GABRB1: variants seen among roughly 807,000 people sequenced by gnomAD.
GABRB1 encodes gamma-aminobutyric acid receptor subunit beta-1.
In GABRB1, 17 loss-of-function variants were observed where a neutral mutation model predicts 51.6. That is an observed-to-expected ratio of 0.33 (90% CI 0.23 to 0.49). The LOEUF (loss-of-function observed/expected upper bound fraction) is 0.49, where lower values mean the gene tolerates loss of function less well. GABRB1 is among the 20% of genes least tolerant of loss of function. The pLI, the probability that GABRB1 is intolerant of heterozygous loss-of-function variation, is 0.99. For missense variants in GABRB1, 410 were observed against 600.6 expected, an observed-to-expected ratio of 0.68 and a Z score of 3.32; for synonymous variants, 247 against 218.9, an observed-to-expected ratio of 1.13 and a Z score of -1.14.
intron 1 of GABRB1, among the ~76,000 whole-genome samples, chr4:47,022,161 T>C (rs1724945589): frequency 6.6e-6 from 1 of 152,106 alleles, no homozygotes; most frequent in Non-Finnish European, 1.5e-5. Context: ...TACTGGTTTA[T>C]TTGCTTCTCA....
chr4:47,094,208 TTTTTTC>T (rs1311476724), intron 3 of GABRB1, among the ~76,000 whole-genome samples: 1 of 147,450 alleles, frequency 6.8e-6, no homozygotes, highest in African/African-American at 2.5e-5. Flanking sequence ...AAAAAGTTAA[TTTTTTC>T]TTTTTCTTTT....
chr4:47,398,557 TAGAG>T lies in GABRB1; in HGVS notation c.545-4743_545-4740del, dbSNP rs1182836628. 2.8e-3 allele frequency among the ~76,000 whole-genome samples: 425 copies of T among 151,626 alleles called. 1 individual carries two copies. The highest frequency in any genetic ancestry group is 9.6e-3 in the African/African-American group (398 of 41,432). ...TTAAGGAAATATCTTCTCATATATA[TAGAG>T]AGAGAGAGAGAGAGAGACAGAGAGA... On this transcript the variant is annotated intron_variant, in intron 5 of 8. Coordinates refer to ENST00000295454, the MANE Select transcript of GABRB1 (RefSeq NM_000812.4).
At chr4:47,235,108 T>C (rs1721280265) in intron 4 of GABRB1, among the ~76,000 whole-genome samples, 1 of 152,206 alleles carries the variant, frequency 6.6e-6, no homozygotes, top group Non-Finnish European at 1.5e-5. Flanking sequence ...CTAGATCATA[T>C]CCAGCTTTTT....
rs1472769558 is a variant in GABRB1 at position 47,401,376 on chromosome 4, C to T, written c.545-1942C>T. Among the ~76,000 whole-genome samples, 9 of 152,340 alleles carry T rather than the reference C, an allele frequency of 5.9e-5. No individual in the cohort carries two copies. In the South Asian group the frequency reaches 1.7e-3, roughly 28 times the overall value. On this transcript the variant is annotated intron_variant, in intron 5 of 8. Coordinates refer to ENST00000295454, the MANE Select transcript of GABRB1 (RefSeq NM_000812.4). Reference sequence around the variant, plus strand: ...CACTTTTTTAACTTTCCCACATCCCCTTAAAGGACTGAGATGACAGAAGTT... The same window carrying T: ...CACTTTTTTAACTTTCCCACATCCCTTTAAAGGACTGAGATGACAGAAGTT...
At chr4:47,019,057 A>C (rs1015434284) in intron 1 of GABRB1, among the ~76,000 whole-genome samples, 2 of 152,196 alleles carry the variant, frequency 1.3e-5, no homozygotes, top group African/African-American at 4.8e-5. Flanking sequence ...TAATGAGATC[A>C]AATGAAAATA....
chr4:47,260,077 C>A (rs538670486), intron 4 of GABRB1, among the ~76,000 whole-genome samples: 2 of 152,050 alleles, frequency 1.3e-5, no homozygotes, highest in Non-Finnish European at 2.9e-5. Flanking sequence ...TACCATTATG[C>A]AATGGCCTTC....
At chr4:47,354,980 GTTTTTTTTTTTTTT>G (rs71195627) in intron 5 of GABRB1, among the ~76,000 whole-genome samples, 4 of 44,252 alleles carry the variant, frequency 9.0e-5, no homozygotes, top group Admixed American at 7.8e-4. Flanking sequence ...TTCTTCCTTT[GTTTTTTTTTTTTTT>G]TTTTTTTTTT....
intron 4 of GABRB1, among the ~76,000 whole-genome samples, chr4:47,209,652 C>T (rs993381434): frequency 1.3e-5 from 2 of 152,042 alleles, no homozygotes; most frequent in Non-Finnish European, 2.9e-5. Flanking sequence ...CTTCTCACTT[C>T]GACCAGAGTG....
At chr4:47,105,563 C>A (rs1577912659) in intron 3 of GABRB1, among the ~76,000 whole-genome samples, 1 of 152,098 alleles carries the variant, frequency 6.6e-6, no homozygotes, top group African/African-American at 2.4e-5. Flanking sequence ...CCTTGACAAC[C>A]AGTGGAGATG....
intron 1 of GABRB1, among the ~76,000 whole-genome samples, chr4:47,015,231 T>C (rs1724709763): frequency 6.6e-6 from 1 of 151,996 alleles, no homozygotes; most frequent in Non-Finnish European, 1.5e-5. Context: ...TTATGATGGG[T>C]CTATAAATGA....
chr4:47,268,100 T>C (rs1261299535), intron 4 of GABRB1, among the ~76,000 whole-genome samples: 1 of 152,162 alleles, frequency 6.6e-6, no homozygotes, highest in Non-Finnish European at 1.5e-5. Flanking sequence ...TTCAAAATCC[T>C]GAGATAAAAT....
chr4:47,276,767 A>G (rs1371209776), intron 4 of GABRB1, among the ~76,000 whole-genome samples: 2 of 152,144 alleles, frequency 1.3e-5, no homozygotes, highest in South Asian at 2.1e-4. Flanking sequence ...TATTTGTTCT[A>G]TACGACTACC....
chr4:47,426,288 G>A lies in GABRB1; in HGVS notation c.*270G>A, dbSNP rs10028945. 0.23 allele frequency: 64,762 copies of A among 276,588 alleles called. 7,820 individuals carry two copies. Among genetic ancestry groups the A allele is most frequent in the Non-Finnish European group, 0.25 (37,504 of 149,206 alleles). The allele number at this position is 276,588 out of a possible 1,614,324, so 17.1% of individuals were successfully genotyped here. A position where few individuals can be genotyped will look rare whatever the true frequency, so the allele number is the denominator to read the frequency against. On this transcript the variant is annotated 3_prime_UTR_variant, in exon 9 of 9. Transcript: ENST00000295454. ...CCATGTTTACAAACAAACACAAAGA[G>A]AGAAGTTAGACAGGTAGATCTTTAG... is the stretch of plus-strand genomic sequence containing the variant.
intron 4 of GABRB1, among the ~76,000 whole-genome samples, chr4:47,287,354 G>A (rs557170015): frequency 3.3e-5 from 5 of 152,228 alleles, no homozygotes; most frequent in Admixed American, 6.5e-5. Context: ...ATGTTAGTAC[G>A]CCTAGAAGCT....
chr4:47,306,407 G>A (rs1190750725), intron 4 of GABRB1, among the ~76,000 whole-genome samples: 3 of 151,274 alleles, frequency 2.0e-5, no homozygotes, highest in Non-Finnish European at 4.4e-5. Context: ...GCGAAGTAGA[G>A]ATGGGAGGTG....
At chr4:47,179,021 T>C (rs1178968754) in intron 4 of GABRB1, among the ~76,000 whole-genome samples, 2 of 152,064 alleles carry the variant, frequency 1.3e-5, no homozygotes, top group African/African-American at 2.4e-5. Context: ...AACATGCAGG[T>C]TTGTTACATA....
intron 3 of GABRB1, among the ~76,000 whole-genome samples, chr4:47,079,722 A>G (rs557979433): frequency 2.4e-3 from 364 of 151,968 alleles, no homozygotes; most frequent in Middle Eastern, 0.01. Context: ...GTTGGAAACC[A>G]TCATTCTCAG....
intron 3 of GABRB1, among the ~76,000 whole-genome samples, chr4:47,100,587 T>C (rs1241028232): frequency 1.3e-5 from 2 of 152,068 alleles, no homozygotes; most frequent in African/African-American, 4.8e-5. Flanking sequence ...GTCCGTTCTC[T>C]CCTACCACAG....
chr4:47,284,959 T>C (rs1224343616), intron 4 of GABRB1, among the ~76,000 whole-genome samples: 2 of 152,228 alleles, frequency 1.3e-5, no homozygotes, highest in African/African-American at 4.8e-5. Flanking sequence ...ACAACAGAGT[T>C]TGGAGGATCG....
Sources: allele counts gnomAD v4.1 joint callset (sites outside exome capture counted in the v4.1 genomes callset), GRCh38; gene constraint gnomAD v4.1.1; transcripts MANE v1.5; gene names NCBI Gene and HGNC (gene_info 2026-07-23, HGNC 2026-07-21).